GLIS3: variants seen among roughly 807,000 people sequenced by gnomAD.
GLIS3 encodes the protein zinc finger protein GLIS3.
GLIS3 carries 53 observed loss-of-function variants against 78.6 expected under a neutral mutation model. That is an observed-to-expected ratio of 0.67 (90% CI 0.54 to 0.85). The LOEUF (loss-of-function observed/expected upper bound fraction) is 0.85. Among genes scored for constraint, GLIS3 ranks in the 40% least tolerant of loss-of-function variants. GLIS3 has a pLI of 0.00. For synonymous variants in GLIS3, 684 were observed against 509.9 expected, an observed-to-expected ratio of 1.34 and a Z score of -4.60; for missense variants, 1,703 against 1,231.1, an observed-to-expected ratio of 1.38 and a Z score of -5.74.
the GLIS3 span, among the ~76,000 whole-genome samples, chr9:4,367,831 C>G: frequency 6.6e-6 from 1 of 152,078 alleles, no homozygotes; most frequent in South Asian, 2.1e-4. Context: ...AGGTTTTAGG[C>G]TAGGTACTCA....
At chr9:4,352,266 C>G (rs921884246), upstream of GLIS3, among the ~76,000 whole-genome samples, 2 of 152,226 alleles carry the variant, frequency 1.3e-5, no homozygotes, top group African/African-American at 4.8e-5. Context: ...GTGATTTTCT[C>G]AAAGTCATGC....
At chr9:4,294,210 A>C (rs1317884815) in intron 1 of GLIS3, among the ~76,000 whole-genome samples, 1 of 152,306 alleles carries the variant, frequency 6.6e-6, no homozygotes, top group East Asian at 1.9e-4. Flanking sequence ...CATAGTTCAT[A>C]ATATTACAGA....
At chr9:3,872,028 C>T (rs1447442935) in intron 8 of GLIS3, among the ~76,000 whole-genome samples, 1 of 152,140 alleles carries the variant, frequency 6.6e-6, no homozygotes, top group Admixed American at 6.5e-5. Flanking sequence ...TGCTAGATAC[C>T]CTAAATCAGC....
intron 2 of GLIS3, among the ~76,000 whole-genome samples, chr9:4,276,556 G>C (rs113124774): frequency 0.14 from 15,192 of 109,736 alleles, 1,574 homozygotes; most frequent in Non-Finnish European, 0.18. Flanking sequence ...GGGGAGGGGA[G>C]GGGAGGGGAG....
the GLIS3 span, among the ~76,000 whole-genome samples, chr9:4,391,365 G>T: frequency 6.6e-6 from 1 of 152,066 alleles, no homozygotes; most frequent in African/African-American, 2.4e-5. Flanking sequence ...CTATATAGGG[G>T]GTGTGTTCTC....
the GLIS3 span, among the ~76,000 whole-genome samples, chr9:4,484,669 G>A: frequency 2.0e-5 from 3 of 151,994 alleles, no homozygotes. Context: ...CACCCACCTT[G>A]GCCTCCCAAA....
At chr9:4,324,567 CTCTT>C (rs1437425568) in intron 2 of GLIS3, among the ~76,000 whole-genome samples, 1 of 152,168 alleles carries the variant, frequency 6.6e-6, no homozygotes, top group Non-Finnish European at 1.5e-5. Flanking sequence ...TGATTTCAAA[CTCTT>C]TCTCTTCCTT....
chr9:4,359,536 T>C, the GLIS3 span, among the ~76,000 whole-genome samples: 2 of 152,186 alleles, frequency 1.3e-5, no homozygotes, highest in Admixed American at 1.3e-4. Context: ...TGCAGAGGAA[T>C]AATAGCTTCT....
intron 4 of GLIS3, among the ~76,000 whole-genome samples, chr9:4,095,653 G>A (rs770558526): frequency 2.0e-5 from 3 of 152,100 alleles, no homozygotes; most frequent in African/African-American, 4.8e-5. Flanking sequence ...CTACTCATCC[G>A]TGAATGATGA....
At chr9:3,987,303 A>T (rs182155796) in intron 4 of GLIS3, among the ~76,000 whole-genome samples, 31 of 152,322 alleles carry the variant, frequency 2.0e-4, no homozygotes, top group Non-Finnish European at 2.6e-4. Flanking sequence ...TGAGAAAAAA[A>T]ATTAACAGCT....
At chr9:4,224,550 AT>A (rs1221594457) in intron 2 of GLIS3, among the ~76,000 whole-genome samples, 1 of 152,084 alleles carries the variant, frequency 6.6e-6, no homozygotes, top group Non-Finnish European at 1.5e-5. Context: ...TACACAGCTG[AT>A]TGTTTTCTCA....
At chr9:3,879,960 G>A (rs1474478562) in intron 7 of GLIS3, among the ~76,000 whole-genome samples, 1 of 152,112 alleles carries the variant, frequency 6.6e-6, no homozygotes, top group Non-Finnish European at 1.5e-5. Flanking sequence ...TCAGGTAACA[G>A]AATATTTGGT....
rs528975308 is a variant in GLIS3 at position 4,126,817 on chromosome 9, T to C, written c.389-876A>G. Among the ~76,000 whole-genome samples, 9 of 152,348 alleles carry C rather than the reference T, an allele frequency of 5.9e-5. No individual in the cohort carries two copies. In the East Asian group the frequency reaches 1.3e-3, roughly 23 times the overall value. On this transcript the variant is annotated intron_variant, in intron 2 of 10. Transcript: ENST00000381971. ...AACTACCTGGTCAAGTCTCAGTAAC[T>C]ATACACTCTGTTCCCATTTCTAGCA...
chr9:4,325,168 C>G (rs1361922642), intron 2 of GLIS3, among the ~76,000 whole-genome samples: 1 of 152,202 alleles, frequency 6.6e-6, no homozygotes, highest in Non-Finnish European at 1.5e-5. Flanking sequence ...CCTCTCTATA[C>G]TTGAATGCAT....
intron 9 of GLIS3, among the ~76,000 whole-genome samples, chr9:3,844,780 A>T (rs1226135664): frequency 2.6e-5 from 4 of 152,190 alleles, no homozygotes; most frequent in African/African-American, 9.7e-5. Flanking sequence ...GTTACTATTA[A>T]TACTGTCTTT....
intron 4 of GLIS3, among the ~76,000 whole-genome samples, chr9:3,992,579 C>G (rs1379588961): frequency 1.3e-5 from 2 of 152,180 alleles, no homozygotes; most frequent in Non-Finnish European, 1.5e-5. Context: ...ATATGAACAA[C>G]TGTATTTATT....
Position 4,341,296 on chromosome 9 carries a change from C to T in GLIS3, n.264+5785G>A, listed in dbSNP as rs993848156. Among the ~76,000 whole-genome samples, 5 of 152,194 alleles carry T rather than the reference C, an allele frequency of 3.3e-5. No individual in the cohort carries two copies. In the East Asian group the frequency reaches 9.6e-4, roughly 29 times the overall value. ...AAAGCTCTCCTGGCTTGCACTCACACGAGTGAAAGATAAGCTCTATTACCC... is the reference window on the plus strand; with the variant it reads ...AAAGCTCTCCTGGCTTGCACTCACATGAGTGAAAGATAAGCTCTATTACCC... On this transcript the variant is annotated intron_variant and non_coding_transcript_variant, in intron 2 of 4. Transcript: ENST00000471664.
At chr9:4,321,304 C>T (rs1490072745) in intron 2 of GLIS3, among the ~76,000 whole-genome samples, 3 of 130,990 alleles carry the variant, frequency 2.3e-5, no homozygotes, top group Admixed American at 1.5e-4. Context: ...CGCCTGTAGT[C>T]CCAGCTACTC....
intron 2 of GLIS3, among the ~76,000 whole-genome samples, chr9:4,270,580 C>T (rs10814905): frequency 0.64 from 96,611 of 152,052 alleles, 30,991 homozygotes; most frequent in East Asian, 0.74. Flanking sequence ...ATTCTGTCTG[C>T]TGGCCAGAGG....
Sources: gnomAD v4.1 joint callset for allele counts (sites outside exome capture counted in the v4.1 genomes callset) on GRCh38, gnomAD v4.1.1 for gene constraint, MANE v1.5 for transcripts, NCBI Gene and HGNC (gene_info 2026-07-23, HGNC 2026-07-21) for gene names.